The following SMAD3 variants were observed in gnomAD, a reference collection of about 807,000 sequenced individuals.
SMAD3 encodes the protein SMAD family member 3, also known as MAD homolog 3.
Under a neutral mutation model 51.8 loss-of-function variants are expected in SMAD3, and 12 were observed. The observed-to-expected ratio is 0.23, with a 90% CI of 0.15 to 0.38. SMAD3 has a LOEUF of 0.38. SMAD3 is among the 10% of genes least tolerant of loss of function. SMAD3 has a pLI of 1.00. For missense variants in SMAD3, 294 were observed against 565.6 expected, an observed-to-expected ratio of 0.52 and a Z score of 4.87; for synonymous variants, 238 against 227.7, an observed-to-expected ratio of 1.05 and a Z score of -0.41.
chr15:67,183,014 TATATATATATATATATA>T (rs1567000720), intron 6 of SMAD3, among the ~76,000 whole-genome samples: 2 of 74,196 alleles, frequency 2.7e-5, no homozygotes, highest in East Asian at 3.6e-4. Flanking sequence ...TATATATATA[TATATATATATATATATA>T]TTTTTTTTTT....
At chr15:67,167,749 C>G (rs1387334728) in intron 4 of SMAD3, among the ~76,000 whole-genome samples, 1 of 152,168 alleles carries the variant, frequency 6.6e-6, no homozygotes, top group Non-Finnish European at 1.5e-5. Flanking sequence ...CAAATTGGCT[C>G]CAGACCAGCA....
intron 1 of SMAD3, among the ~76,000 whole-genome samples, chr15:67,150,811 TTTTTTTTTA>T (rs1346113474): frequency 7.5e-6 from 1 of 132,500 alleles, no homozygotes; most frequent in Non-Finnish European, 1.6e-5. Context: ...TTTTTTTTTT[TTTTTTTTTA>T]TTAAGAGAGC....
chr15:67,114,527 C>CA (rs1961093878), intron 1 of SMAD3, among the ~76,000 whole-genome samples: 1 of 152,078 alleles, frequency 6.6e-6, no homozygotes, highest in African/African-American at 2.4e-5. Context: ...TTAAGAGAAA[C>CA]AAAAAATAGA....
chr15:67,178,575 G>A (rs2140310883), intron 5 of SMAD3, among the ~76,000 whole-genome samples: 1 of 152,266 alleles, frequency 6.6e-6, no homozygotes, highest in East Asian at 1.9e-4. Flanking sequence ...ATGTCCCCAA[G>A]GTCACACAGC....
chr15:67,105,966 C>T (rs150613719), intron 1 of SMAD3, among the ~76,000 whole-genome samples: 53 of 152,324 alleles, frequency 3.5e-4, no homozygotes, highest in African/African-American at 1.2e-3. Flanking sequence ...GCACCACCAT[C>T]CAGACCTCAG....
At chr15:67,156,801 GCCT>G (rs1962294516) in intron 1 of SMAD3, among the ~76,000 whole-genome samples, 1 of 143,542 alleles carries the variant, frequency 7.0e-6, no homozygotes. Flanking sequence ...GGCAGTAGCT[GCCT>G]GGGGGTGGGC....
chr15:67,163,944 T>TAAAAAAAAAAA (rs57803788), intron 1 of SMAD3, among the ~76,000 whole-genome samples: 3 of 87,878 alleles, frequency 3.4e-5, no homozygotes, highest in East Asian at 3.9e-4. Flanking sequence ...GTATCAAAAG[T>TAAAAAAAAAAA]AAAAAAAAAA....
At position 67,107,027 on chromosome 15, in the gene SMAD3, G is replaced by T. The variant is rs534303658; in HGVS notation, c.206+40667G>T. ...TGAGTTCACAGGGCCCCGTCTGCACGACTTGGCTTCTGTCGGCTTCCCTAG... is the reference window on the plus strand; with the variant it reads ...TGAGTTCACAGGGCCCCGTCTGCACTACTTGGCTTCTGTCGGCTTCCCTAG... On this transcript the variant is annotated intron_variant, in intron 1 of 8. Transcript: ENST00000327367. 5.9e-5 allele frequency among the ~76,000 whole-genome samples: 9 copies of T among 152,084 alleles called. No homozygotes were observed. The East Asian group carries it at 1.7e-3, about 29-fold the overall frequency.
intron 1 of SMAD3, among the ~76,000 whole-genome samples, chr15:67,068,948 A>G (rs1959988156): frequency 6.6e-6 from 1 of 152,152 alleles, no homozygotes; most frequent in Non-Finnish European, 1.5e-5. Context: ...AAAATGTTTA[A>G]CTTAGTCATT....
chr15:67,132,841 A>C (rs758256185), intron 1 of SMAD3, among the ~76,000 whole-genome samples: 1 of 152,160 alleles, frequency 6.6e-6, no homozygotes, highest in Non-Finnish European at 1.5e-5. Context: ...AGACCATTGC[A>C]TTTTCTTTCA....
At chr15:67,100,814 G>A (rs1026100005) in intron 1 of SMAD3, among the ~76,000 whole-genome samples, 28 of 152,190 alleles carry the variant, frequency 1.8e-4, no homozygotes, top group African/African-American at 6.5e-4. Context: ...AGGAACCAGA[G>A]ACCCAGAGAG....
At chr15:67,067,445 C>G (rs1480659133) in intron 1 of SMAD3, among the ~76,000 whole-genome samples, 1 of 152,130 alleles carries the variant, frequency 6.6e-6, no homozygotes, top group East Asian at 1.9e-4. Flanking sequence ...AGGGAGAGAG[C>G]GTGTGTGTTG....
chr15:67,120,363 T>A (rs1474259558), intron 1 of SMAD3, among the ~76,000 whole-genome samples: 2 of 152,194 alleles, frequency 1.3e-5, no homozygotes, highest in East Asian at 3.8e-4. Context: ...ATAACAAGTC[T>A]TATACACATG....
intron 1 of SMAD3, among the ~76,000 whole-genome samples, chr15:67,157,397 C>T (rs1962311855): frequency 6.6e-6 from 1 of 152,148 alleles, no homozygotes; most frequent in South Asian, 2.1e-4. Context: ...CCCCTATCTC[C>T]CATGTATCAG....
intron 1 of SMAD3, among the ~76,000 whole-genome samples, chr15:67,102,454 G>C (rs1295314302): frequency 2.0e-5 from 3 of 152,150 alleles, no homozygotes; most frequent in Non-Finnish European, 4.4e-5. Context: ...GTGAAATGCA[G>C]CCCTTTAGAA....
rs372266824 is a variant in SMAD3, at chr15:67,098,355, C to T, written c.206+31995C>T. 8.5e-3 allele frequency among the ~76,000 whole-genome samples: 993 copies of T among 116,904 alleles called. 9 individuals carry two copies. The highest frequency in any genetic ancestry group is 0.014 in the Non-Finnish European group (783 of 54,378). The allele number at this position is 116,904 out of a possible 152,430, so 76.7% of individuals were successfully genotyped here. ...GGGAGGGAGGGAGGGAGGGAGAGAG[C>T]GAGCGAGCAAGCAAGCAAGCAAGCC... is the stretch of plus-strand genomic sequence containing the variant. On this transcript the variant is annotated intron_variant, in intron 1 of 8. Coordinates refer to ENST00000327367, the MANE Select transcript of SMAD3 (RefSeq NM_005902.4).
At chr15:67,172,563 T>C (rs1962780743) in intron 5 of SMAD3, among the ~76,000 whole-genome samples, 1 of 152,264 alleles carries the variant, frequency 6.6e-6, no homozygotes, top group African/African-American at 2.4e-5. Flanking sequence ...GAAACATTTC[T>C]TGAGAGTTTG....
At chr15:67,131,157 A>G (rs1458489808) in intron 1 of SMAD3, among the ~76,000 whole-genome samples, 3 of 152,234 alleles carry the variant, frequency 2.0e-5, no homozygotes, top group Non-Finnish European at 2.9e-5. Context: ...ATCTTGTCCT[A>G]CATGCTATTG....
rs58056680 is a variant in SMAD3 at position 67,184,933 on chromosome 15, G to C, written c.1009+69G>C. 5,172 of 1,584,736 alleles carry C rather than the reference G, an allele frequency of 3.3e-3. 162 individuals are homozygous for C. The African/African-American group carries it at 0.063, about 19-fold the overall frequency. On this transcript the variant is annotated intron_variant, in intron 7 of 8. Coordinates refer to ENST00000327367, the MANE Select transcript of SMAD3 (RefSeq NM_005902.4). ...GAGTGCATGCCTAGGATGCTGGAGAGAGTCCACCTTTCTCACCTTTTCTGC... is the reference window on the plus strand; with the variant it reads ...GAGTGCATGCCTAGGATGCTGGAGACAGTCCACCTTTCTCACCTTTTCTGC...
Sources: allele counts gnomAD v4.1 joint callset (sites outside exome capture counted in the v4.1 genomes callset), GRCh38; gene constraint gnomAD v4.1.1; transcripts MANE v1.5; gene names NCBI Gene and HGNC (gene_info 2026-07-23, HGNC 2026-07-21).